TMOD1: variants seen among roughly 807,000 people sequenced by gnomAD.
TMOD1 encodes tropomodulin 1, also known as tropomodulin-1.
Under a neutral mutation model 40.6 loss-of-function variants are expected in TMOD1, and 17 were observed. The observed-to-expected ratio is 0.42, with a 90% CI of 0.29 to 0.63. The LOEUF is 0.63. Ranked by LOEUF, TMOD1 falls within the 20% of genes least tolerant of loss-of-function variation. The pLI is 0.22. For synonymous variants in TMOD1, 181 were observed against 175.0 expected (o/e 1.03, Z -0.27); for missense variants, 391 against 447.6 (o/e 0.87, Z 1.14).
chr9:97,579,917 T>TA (rs1489367077), intron 8 of TMOD1, among the ~76,000 whole-genome samples: 1 of 152,160 alleles, frequency 6.6e-6, no homozygotes, highest in Non-Finnish European at 1.5e-5. Flanking sequence ...GGGATATACT[T>TA]ACAGGGAGGC....
At chr9:97,501,481 C>G (rs1017385789), upstream of TMOD1, among the ~76,000 whole-genome samples, 10 of 151,998 alleles carry the variant, frequency 6.6e-5, no homozygotes, top group African/African-American at 2.4e-4. Flanking sequence ...CCCGACTCCC[C>G]TGCGCTCCCG....
At position 97,537,211 on chromosome 9, in the gene TMOD1, G is replaced by A. The variant is rs12375711; in HGVS notation, c.121-8974G>A. 2.6e-5 allele frequency among the ~76,000 whole-genome samples: 4 copies of A among 152,242 alleles called. No homozygotes were observed. In the East Asian group the frequency reaches 7.7e-4, roughly 29 times the overall value. On this transcript the variant is annotated intron_variant, in intron 2 of 9. Coordinates refer to ENST00000259365, the MANE Select transcript of TMOD1 (RefSeq NM_003275.4). ...GGGCTTTATATTTCCGAGCTGCCAG[G>A]AGTCTGTGATCCTTTTAATGCATTG... is the stretch of plus-strand genomic sequence containing the variant.
chr9:97,576,950 C>A (rs2131277869), intron 8 of TMOD1, among the ~76,000 whole-genome samples: 1 of 152,206 alleles, frequency 6.6e-6, no homozygotes, highest in Non-Finnish European at 1.5e-5. Context: ...ATGGTGGTTA[C>A]TTCTACGGAA....
chr9:97,571,017 C>T (rs1283497564), intron 8 of TMOD1, among the ~76,000 whole-genome samples: 1 of 152,262 alleles, frequency 6.6e-6, no homozygotes, highest in Non-Finnish European at 1.5e-5. Flanking sequence ...CACCCCTACC[C>T]CTTCTGCGCC....
chr9:97,555,650 C>T, intron 4 of TMOD1: 1 of 1,551,096 alleles, frequency 6.4e-7, no homozygotes, highest in Non-Finnish European at 8.7e-7. Context: ...TGAAAGATGG[C>T]AGCATCTCTG....
intron 4 of TMOD1, among the ~76,000 whole-genome samples, chr9:97,561,173 C>G (rs115511715): frequency 2.0e-5 from 3 of 152,196 alleles, no homozygotes; most frequent in East Asian, 3.8e-4. Flanking sequence ...AGTGAGTTCT[C>G]AACACAATAA....
intron 5 of TMOD1, among the ~76,000 whole-genome samples, chr9:97,563,767 C>A (rs1031391000): frequency 1.3e-5 from 2 of 152,224 alleles, no homozygotes; most frequent in Non-Finnish European, 2.9e-5. Flanking sequence ...ACTAGCCCTG[C>A]CTTACAGATG....
intron 1 of TMOD1, among the ~76,000 whole-genome samples, chr9:97,511,878 C>T (rs553442998): frequency 1.3e-5 from 2 of 152,282 alleles, no homozygotes; most frequent in African/African-American, 4.8e-5. Flanking sequence ...AGTCACTGTG[C>T]CCAGCTGGCC....
chr9:97,560,638 G>A (rs991531472), intron 4 of TMOD1, among the ~76,000 whole-genome samples: 5 of 146,970 alleles, frequency 3.4e-5, no homozygotes, highest in African/African-American at 7.6e-5. Flanking sequence ...AAAATTAGCC[G>A]GACGACAAAA....
In TMOD1 at chr9:97,599,646, G is replaced by C. The variant is rs1347050413; in HGVS notation, c.1028G>C (p.Arg343Thr). The C allele has an allele frequency of 1.2e-6, 2 of 1,614,198 alleles. No individual in the cohort carries two copies. Among genetic ancestry groups the C allele is most frequent in the Admixed American group, 1.7e-5 (1 of 60,020 alleles). ...CATTCCTTTCCAGTGAGGAAGAGGA[G>C]GCTTGCGGACCTGACTGGGCCCATC... The part of the protein sequence containing the change: ...MNNNDLVRKR[R>T]LADLTGPIIP... The change falls in exon 10 of 10, where the codon AGG becomes ACG. Residue 343 changes from arginine to threonine, a missense_variant. Transcript: ENST00000259365.
intron 1 of TMOD1, chr9:97,517,926 G>C (rs1285583797): frequency 6.6e-6 from 1 of 152,504 alleles, no homozygotes; most frequent in African/African-American, 2.4e-5. Context: ...TTGAGGGAGG[G>C]GGGCCTGGGC....
chr9:97,554,703 A>T lies in TMOD1; in HGVS notation c.397+1303A>T, dbSNP rs531688544. On this transcript the variant is annotated intron_variant, in intron 4 of 9. Coordinates refer to ENST00000259365, the MANE Select transcript of TMOD1 (RefSeq NM_003275.4). ...GTGAGGGTTCAGGGCTGGCCAGGAG[A>T]CTCAGAGGCATGTAAGCCCAGAGGC... Among the ~76,000 whole-genome samples the T allele has an allele frequency of 2.0e-5, 3 of 152,036 alleles. No homozygotes were observed. In the South Asian group the frequency reaches 6.2e-4, roughly 32 times the overall value.
chr9:97,515,403 C>T (rs958216299), intron 1 of TMOD1, among the ~76,000 whole-genome samples: 16 of 152,198 alleles, frequency 1.1e-4, no homozygotes, highest in Admixed American at 3.3e-4. Context: ...CCTCAGCCTC[C>T]CAAGTAGCTG....
chr9:97,513,349 A>G lies in TMOD1; in HGVS notation c.-48-10792A>G, dbSNP rs1307255014. The G allele has an allele frequency of 6.6e-6, 1 of 152,266 alleles. No homozygotes were observed. Among genetic ancestry groups the G allele is most frequent in the East Asian group, 1.9e-4 (1 of 5,194 alleles). 9.4% of individuals were successfully genotyped at this position (152,266 alleles called of 1,614,324 possible). On this transcript the variant is annotated intron_variant, in intron 1 of 9. Transcript: ENST00000259365. The surrounding 1 kb of genome is among the most constrained non-coding windows in gnomAD (Gnocchi z 4.1). ...TTGCAGAAGAAACCCCGAATCTCAG[A>G]GGCACAAAGTGGTATGCCTGAGGCT...
chr9:97,524,497 G>GGGGTGTGTGTGTGTGT (rs561183211), intron 2 of TMOD1, among the ~76,000 whole-genome samples, 189 bp downstream of exon 2: 12 of 143,028 alleles, frequency 8.4e-5, no homozygotes, highest in African/African-American at 3.2e-4. Flanking sequence ...GAACCAATAG[G>GGGGTGTGTGTGTGTGT]GTGTGTGTGT....
intron 1 of TMOD1, among the ~76,000 whole-genome samples, chr9:97,520,532 A>G (rs1197970107): frequency 1.3e-5 from 2 of 152,132 alleles, no homozygotes; most frequent in Non-Finnish European, 2.9e-5. Context: ...AGCCAAGTCG[A>G]TGAGTGTGGC....
At chr9:97,536,629 C>T (rs1362248213) in intron 2 of TMOD1, among the ~76,000 whole-genome samples, 2 of 152,066 alleles carry the variant, frequency 1.3e-5, no homozygotes, top group Non-Finnish European at 2.9e-5. Context: ...CAGAGGACGG[C>T]AGTCAGGTGG....
chr9:97,506,600 A>G (rs879501001), intron 1 of TMOD1, among the ~76,000 whole-genome samples: 1 of 152,228 alleles, frequency 6.6e-6, no homozygotes, highest in Non-Finnish European at 1.5e-5. Flanking sequence ...CAGCCCCATC[A>G]TGATACGTAG....
intron 8 of TMOD1, among the ~76,000 whole-genome samples, chr9:97,575,939 A>G (rs1014019201): frequency 9.9e-5 from 15 of 152,182 alleles, no homozygotes; most frequent in African/African-American, 3.6e-4. Flanking sequence ...TTAATTTGAA[A>G]GCGCCTATCT....
Sources: gnomAD v4.1 joint callset for allele counts (sites outside exome capture counted in the v4.1 genomes callset) on GRCh38, gnomAD v4.1.1 for gene constraint, Gnocchi (gnomAD v3.1) non-coding constraint, MANE v1.5 for transcripts, NCBI Gene and HGNC (gene_info 2026-07-23, HGNC 2026-07-21) for gene names.